PTPRG: variants seen among roughly 807,000 people sequenced by gnomAD.
The protein encoded by PTPRG is protein tyrosine phosphatase receptor type G, also known as receptor-type tyrosine-protein phosphatase gamma.
Under a neutral mutation model 165.3 loss-of-function variants are expected in PTPRG, and 102 were observed. The ratio of observed to expected loss-of-function variants is 0.62; its 90% CI spans 0.53 to 0.73. The LOEUF (loss-of-function observed/expected upper bound fraction) is 0.73. Among genes scored for constraint, PTPRG ranks in the 30% least tolerant of loss-of-function variants. The probability of loss-of-function intolerance (pLI) is 0.00; values close to 1 mark genes in which losing one functional copy is unlikely to be tolerated. For missense variants in PTPRG, 1,866 were observed against 1,861.4 expected (o/e 1.00, Z -0.05); for synonymous variants, 675 against 669.5 (o/e 1.01, Z -0.13).
intron 1 of PTPRG, among the ~76,000 whole-genome samples, chr3:61,571,998 T>C (rs1450429066): frequency 1.3e-5 from 2 of 152,236 alleles, no homozygotes; most frequent in Non-Finnish European, 2.9e-5. Flanking sequence ...TTTTAGAGAT[T>C]GTTGATTCCA....
chr3:61,839,803 C>A lies in PTPRG; in HGVS notation c.190+90821C>A, dbSNP rs1029333918. 2.6e-5 allele frequency among the ~76,000 whole-genome samples: 4 copies of A among 152,128 alleles called. No individual in the cohort carries two copies. The East Asian group carries it at 7.7e-4, about 29-fold the overall frequency. On this transcript the variant is annotated intron_variant, in intron 2 of 29. Coordinates refer to ENST00000474889, the MANE Select transcript of PTPRG (RefSeq NM_002841.4). Reference sequence around the variant, plus strand: ...GAATTTTCTTTCTGTACCATACCTGCTTCCCTCACCTCTCAACTCTCACCC... The same window carrying A: ...GAATTTTCTTTCTGTACCATACCTGATTCCCTCACCTCTCAACTCTCACCC...
intron 1 of PTPRG, among the ~76,000 whole-genome samples, chr3:61,658,805 C>A (rs1042577195): frequency 1.3e-5 from 2 of 152,078 alleles, no homozygotes; most frequent in Non-Finnish European, 1.5e-5. Flanking sequence ...CTCCCAGGTC[C>A]GTATTTTTTG....
At chr3:61,609,834 A>C (rs1307875455) in intron 1 of PTPRG, among the ~76,000 whole-genome samples, 1 of 152,058 alleles carries the variant, frequency 6.6e-6, no homozygotes, top group Non-Finnish European at 1.5e-5. Context: ...ACAGAGTGAG[A>C]TCCTATCTCA....
intron 6 of PTPRG, among the ~76,000 whole-genome samples, chr3:62,146,251 A>C (rs546364171): frequency 1.3e-5 from 2 of 152,370 alleles, no homozygotes; most frequent in South Asian, 4.1e-4. Context: ...CCCTTAAATC[A>C]AAATGCCATC....
At chr3:62,042,660 G>T (rs1436956002) in intron 4 of PTPRG, among the ~76,000 whole-genome samples, 3 of 152,134 alleles carry the variant, frequency 2.0e-5, no homozygotes, top group Non-Finnish European at 2.9e-5. Flanking sequence ...CTCCACTCCA[G>T]TTCCTCTACT....
intron 12 of PTPRG, 96 bp downstream of exon 12, chr3:62,204,046 T>A: frequency 6.8e-7 from 1 of 1,468,532 alleles, no homozygotes; most frequent in East Asian, 2.3e-5. Flanking sequence ...CTTCAGAAGG[T>A]ACTTAATATT....
chr3:61,827,556 G>A (rs772804462), intron 2 of PTPRG, among the ~76,000 whole-genome samples: 12 of 152,080 alleles, frequency 7.9e-5, no homozygotes, highest in Admixed American at 3.3e-4. Context: ...TCCCTGATCT[G>A]TCCTTCAGTC....
intron 4 of PTPRG, among the ~76,000 whole-genome samples, chr3:62,028,681 C>T (rs544309806): frequency 5.3e-5 from 8 of 152,182 alleles, no homozygotes; most frequent in Non-Finnish European, 1.2e-4. Flanking sequence ...ACACTCAAGT[C>T]AGCCTAAACA....
At chr3:61,841,734 G>A (rs1418184540) in intron 2 of PTPRG, among the ~76,000 whole-genome samples, 1 of 152,202 alleles carries the variant, frequency 6.6e-6, no homozygotes, top group Non-Finnish European at 1.5e-5. Context: ...CTGTGGAATA[G>A]TAAAGCTGCT....
At chr3:62,225,300 C>T (rs976807456) in intron 13 of PTPRG, among the ~76,000 whole-genome samples, 1 of 152,198 alleles carries the variant, frequency 6.6e-6, no homozygotes, top group Non-Finnish European at 1.5e-5. Flanking sequence ...GCTGCTGCCA[C>T]TCAGAGAGAA....
intron 12 of PTPRG, among the ~76,000 whole-genome samples, chr3:62,208,159 T>G (rs915358273): frequency 6.6e-6 from 1 of 152,188 alleles, no homozygotes; most frequent in African/African-American, 2.4e-5. Flanking sequence ...TTCAGAAGGC[T>G]TGAAGGCCTA....
chr3:61,632,381 C>CT (rs1388811423), intron 1 of PTPRG, among the ~76,000 whole-genome samples: 1 of 152,086 alleles, frequency 6.6e-6, no homozygotes, highest in Non-Finnish European at 1.5e-5. Flanking sequence ...AGGTGTAATG[C>CT]TTATAATTGA....
chr3:61,980,256 T>G (rs1037561210), intron 2 of PTPRG, among the ~76,000 whole-genome samples: 1 of 152,180 alleles, frequency 6.6e-6, no homozygotes, highest in Non-Finnish European at 1.5e-5. Context: ...CCTCAGCAAG[T>G]CTTTCCCACA....
chr3:62,168,232 A>G (rs905654403), intron 8 of PTPRG, 69 bp downstream of exon 8: 3 of 1,418,978 alleles, frequency 2.1e-6, no homozygotes, highest in Non-Finnish European at 2.9e-6. Context: ...ATTAAAAGGA[A>G]TTCAAAGCCA....
At chr3:61,708,378 C>A (rs547539819) in intron 1 of PTPRG, among the ~76,000 whole-genome samples, 2 of 149,824 alleles carry the variant, frequency 1.3e-5, no homozygotes, top group African/African-American at 2.5e-5. Flanking sequence ...CACAGCCCAA[C>A]TGGGGGATCA....
At chr3:61,759,073 C>G (rs1285171380) in intron 2 of PTPRG, among the ~76,000 whole-genome samples, 1 of 152,162 alleles carries the variant, frequency 6.6e-6, no homozygotes, top group Non-Finnish European at 1.5e-5. Context: ...TTTGGCTGAT[C>G]TTGAAATGAC....
In PTPRG at chr3:62,262,795, T is replaced by C; in HGVS notation, c.2560-3T>C. The C allele has an allele frequency of 6.2e-7, 1 of 1,607,626 alleles. No homozygotes were observed. Among genetic ancestry groups the C allele is most frequent in the East Asian group, 2.2e-5 (1 of 44,606 alleles). On this transcript the variant is annotated splice_polypyrimidine_tract_variant and splice_region_variant and intron_variant, in intron 16 of 29. Coordinates refer to ENST00000474889, the MANE Select transcript of PTPRG (RefSeq NM_002841.4). ...TCTATAATCTTGCTGTTTTCTTCACTAGGAAGTCCAGCGCTGTACTGCTGA... is the reference window on the plus strand; with the variant it reads ...TCTATAATCTTGCTGTTTTCTTCACCAGGAAGTCCAGCGCTGTACTGCTGA...
intron 2 of PTPRG, among the ~76,000 whole-genome samples, chr3:61,863,783 G>GGTAT: frequency 6.6e-6 from 1 of 152,216 alleles, no homozygotes; most frequent in East Asian, 1.9e-4. Context: ...CATTTAAGCT[G>GGTAT]GTCAAAGGTA....
At chr3:61,848,056 G>T (rs2036855002) in intron 2 of PTPRG, among the ~76,000 whole-genome samples, 1 of 152,220 alleles carries the variant, frequency 6.6e-6, no homozygotes, top group Admixed American at 6.5e-5. Flanking sequence ...TGTTACTCTA[G>T]TTGATGAGTG....
Sources: gnomAD v4.1 joint callset for allele counts (sites outside exome capture counted in the v4.1 genomes callset) on GRCh38, gnomAD v4.1.1 for gene constraint, MANE v1.5 for transcripts, NCBI Gene and HGNC (gene_info 2026-07-23, HGNC 2026-07-21) for gene names.